Variants in TMED3 observed in about 807,000 individuals in gnomAD.
TMED3 encodes transmembrane p24 trafficking protein 3.
In TMED3, 9 loss-of-function variants were observed where a neutral mutation model predicts 15.0. The observed-to-expected ratio is 0.60, with a 90% CI of 0.36 to 1.04. The LOEUF is 1.04. Ranked by LOEUF, TMED3 falls within the 50% of genes least tolerant of loss-of-function variation. The pLI, the probability that TMED3 is intolerant of heterozygous loss-of-function variation, is 0.01. For synonymous variants in TMED3, 117 were observed against 121.4 expected, an observed-to-expected ratio of 0.96 and a Z score of 0.24; for missense variants, 267 against 278.9, an observed-to-expected ratio of 0.96 and a Z score of 0.30.
intron 2 of TMED3, among the ~76,000 whole-genome samples, chr15:79,380,487 T>TTATAGTTATATATAGTTATATA: frequency 6.8e-6 from 1 of 147,264 alleles, no homozygotes; most frequent in Admixed American, 6.8e-5. Context: ...TTATATATAG[T>TTATAGTTATATATAGTTATATA]TATAGTTATA....
intron 2 of TMED3, among the ~76,000 whole-genome samples, chr15:79,355,764 C>T (rs979670445): frequency 6.6e-5 from 10 of 152,258 alleles, no homozygotes; most frequent in Non-Finnish European, 5.9e-5. Context: ...TCCAAGGAGC[C>T]GGCCTGACCC....
chr15:79,390,601 T>C (rs1248384010), intron 2 of TMED3, among the ~76,000 whole-genome samples: 1 of 152,156 alleles, frequency 6.6e-6, no homozygotes, highest in Non-Finnish European at 1.5e-5. Flanking sequence ...TACGGCTCCA[T>C]AGAATGAATT....
intron 2 of TMED3, among the ~76,000 whole-genome samples, chr15:79,392,914 G>A (rs999753439): frequency 6.6e-6 from 1 of 152,146 alleles, no homozygotes; most frequent in African/African-American, 2.4e-5. Context: ...CTTCTCTGAG[G>A]TTGCAGACCT....
intron 2 of TMED3, among the ~76,000 whole-genome samples, chr15:79,317,131 T>C (rs2058743867): frequency 6.6e-6 from 1 of 152,204 alleles, no homozygotes; most frequent in African/African-American, 2.4e-5. Flanking sequence ...GTTGCTCCGT[T>C]ACCCTCTTGG....
intron 2 of TMED3, among the ~76,000 whole-genome samples, chr15:79,320,214 C>T (rs1426336835): frequency 6.6e-5 from 10 of 152,248 alleles, no homozygotes; most frequent in Non-Finnish European, 1.3e-4. Context: ...CCAGGCATAA[C>T]AGAAGGCTCG....
chr15:79,335,157 C>T (rs537561398), intron 2 of TMED3, among the ~76,000 whole-genome samples: 29 of 152,036 alleles, frequency 1.9e-4, no homozygotes, highest in South Asian at 4.2e-4. Flanking sequence ...ATTTCAAAGA[C>T]GTAAAAAAAG....
At chr15:79,352,989 A>G (rs1373575366) in intron 2 of TMED3, among the ~76,000 whole-genome samples, 3 of 103,268 alleles carry the variant, frequency 2.9e-5, no homozygotes, top group African/African-American at 1.1e-4. Flanking sequence ...TAAATTATAT[A>G]TTATGTTATA....
chr15:79,402,139 C>T (rs965804208), intron 2 of TMED3, among the ~76,000 whole-genome samples: 2 of 152,166 alleles, frequency 1.3e-5, no homozygotes, highest in Non-Finnish European at 2.9e-5. Flanking sequence ...AGAATACATT[C>T]TGGAGGTGGT....
rs377400957 is a variant in TMED3, at chr15:79,405,405, C to A, written c.418-5995C>A. Among the ~76,000 whole-genome samples the A allele has an allele frequency of 8.5e-5, 13 of 152,302 alleles. No homozygotes were observed. The East Asian group carries it at 1.5e-3, about 18-fold the overall frequency. On this transcript the variant is annotated intron_variant, in intron 2 of 2. Coordinates refer to the TMED3 transcript ENST00000424155. Reference sequence around the variant, plus strand: ...AATTGGTGTGAATGCCAGCTTGGACCTATTAGAGAATCCTCTCTCACTCGT... The same window carrying A: ...AATTGGTGTGAATGCCAGCTTGGACATATTAGAGAATCCTCTCTCACTCGT...
chr15:79,335,897 TG>T (rs980204835), intron 2 of TMED3, among the ~76,000 whole-genome samples: 112 of 152,308 alleles, frequency 7.4e-4, no homozygotes, highest in African/African-American at 2.6e-3. Context: ...AGTGCTTTTT[TG>T]TGTGGCATTT....
chr15:79,382,519 A>G (rs998645619), intron 2 of TMED3, among the ~76,000 whole-genome samples: 3 of 152,226 alleles, frequency 2.0e-5, no homozygotes, highest in Admixed American at 6.5e-5. Context: ...GGGAGAGGTC[A>G]TTCTTCCAGT....
intron 2 of TMED3, among the ~76,000 whole-genome samples, chr15:79,410,808 T>C (rs1248028588): frequency 6.6e-6 from 1 of 152,082 alleles, no homozygotes; most frequent in Non-Finnish European, 1.5e-5. Flanking sequence ...GAAGCAATGA[T>C]TTGCAAGTGC....
In TMED3 at chr15:79,337,815, A is replaced by C. The variant is rs113710569; in HGVS notation, c.417+23810A>C. ...ACCCTCAGTTTCCTCGTTTGTAACA[A>C]AATGTGGTATTAAGGGAAATGTACA... On this transcript the variant is annotated intron_variant, in intron 2 of 2. Transcript: ENST00000424155. 9.1e-3 allele frequency among the ~76,000 whole-genome samples: 1,393 copies of C among 152,350 alleles called. 29 individuals carry two copies. Among genetic ancestry groups the C allele is most frequent in the African/African-American group, 0.032 (1,332 of 41,570 alleles).
At chr15:79,401,292 A>G (rs1273641857) in intron 2 of TMED3, among the ~76,000 whole-genome samples, 1 of 152,218 alleles carries the variant, frequency 6.6e-6, no homozygotes, top group Non-Finnish European at 1.5e-5. Context: ...GTACTCTGGC[A>G]TGTAGCAGCT....
At chr15:79,351,267 G>C (rs1035299559) in intron 2 of TMED3, among the ~76,000 whole-genome samples, 3 of 152,140 alleles carry the variant, frequency 2.0e-5, no homozygotes, top group Non-Finnish European at 4.4e-5. Context: ...GTGCTATGAG[G>C]ATGTTGAACC....
chr15:79,372,588 C>T (rs1893359971), intron 2 of TMED3, among the ~76,000 whole-genome samples: 1 of 152,206 alleles, frequency 6.6e-6, no homozygotes, highest in African/African-American at 2.4e-5. Flanking sequence ...GGCAGGAGAA[C>T]ATGCACAGGG....
intron 2 of TMED3, among the ~76,000 whole-genome samples, chr15:79,398,621 C>T (rs1893794316): frequency 6.6e-6 from 1 of 152,154 alleles, no homozygotes. Flanking sequence ...CCCCTTACTC[C>T]ACCCTTTTTT....
chr15:79,358,175 G>A (rs62025977), intron 2 of TMED3, among the ~76,000 whole-genome samples: 31,916 of 152,098 alleles, frequency 0.21, 3,421 homozygotes, highest in South Asian at 0.28. Context: ...ACTGGATAGC[G>A]CAGTGAGCAG....
At chr15:79,323,309 A>G (rs1224650194), downstream of TMED3, among the ~76,000 whole-genome samples, 4 of 152,202 alleles carry the variant, frequency 2.6e-5, no homozygotes, top group Non-Finnish European at 5.9e-5. Flanking sequence ...GAAACCTATC[A>G]AATCTGAAAT....
Sources: allele counts gnomAD v4.1 joint callset (sites outside exome capture counted in the v4.1 genomes callset), GRCh38; gene constraint gnomAD v4.1.1; transcripts MANE v1.5; gene names NCBI Gene and HGNC (gene_info 2026-07-23, HGNC 2026-07-21).